MARK4: variants seen among roughly 807,000 people sequenced by gnomAD.
MARK4 encodes microtubule affinity regulating kinase 4.
In MARK4, 19 loss-of-function variants were observed where a neutral mutation model predicts 81.5. That is an observed-to-expected ratio of 0.23 (90% CI 0.16 to 0.34). The LOEUF is 0.34. MARK4 is among the 10% of genes least tolerant of loss of function. The pLI is 1.00. For missense variants in MARK4, 772 were observed against 1,058.8 expected, an observed-to-expected ratio of 0.73 and a Z score of 3.76; for synonymous variants, 436 against 439.0, an observed-to-expected ratio of 0.99 and a Z score of 0.08.
At chr19:45,256,622 TGGA>T (rs1398295763) in intron 1 of MARK4, among the ~76,000 whole-genome samples, 1 of 152,082 alleles carries the variant, frequency 6.6e-6, no homozygotes, top group Non-Finnish European at 1.5e-5. Context: ...CCAGTGGTGG[TGGA>T]GGAGGAGCCT....
intron 8 of MARK4, among the ~76,000 whole-genome samples, chr19:45,274,047 A>C (rs930695100): frequency 6.6e-6 from 1 of 151,426 alleles, no homozygotes; most frequent in African/African-American, 2.4e-5. Context: ...CAGGAGAGCG[A>C]GACCATCCTG....
intron 14 of MARK4, among the ~76,000 whole-genome samples, chr19:45,294,953 T>C (rs1970867574): frequency 6.6e-6 from 1 of 152,008 alleles, no homozygotes; most frequent in African/African-American, 2.4e-5. Context: ...ACCAGGGCTG[T>C]AGGGCAGGTT....
At chr19:45,255,417 C>T (rs559877055) in intron 1 of MARK4, among the ~76,000 whole-genome samples, 12 of 151,810 alleles carry the variant, frequency 7.9e-5, no homozygotes, top group Admixed American at 4.6e-4. Flanking sequence ...AAAAATTAGA[C>T]GGTTGTGGTG....
chr19:45,293,660 A>G (rs1372821495), intron 13 of MARK4, among the ~76,000 whole-genome samples: 1 of 152,250 alleles, frequency 6.6e-6, no homozygotes. Context: ...ACTTCCAGAG[A>G]ATAGAAAAAG....
rs568500500 is a variant in MARK4, at chr19:45,278,040, G to C, written c.904G>C (p.Glu302Gln). Residue 302 changes from glutamate to glutamine, a missense_variant and splice_region_variant, in exon 9 of 17, where the codon GAG (glutamate) becomes CAG (glutamine). By Grantham distance (29) the Glu-to-Gln change is conservative. Around this residue, in one of 3 missense-constraint regions of MARK4, gnomAD observed 109 missense variants for 294.7 expected, o/e 0.37. Coordinates refer to ENST00000262891, the MANE Select transcript of MARK4 (RefSeq NM_001199867.2). ...GAACCCAGCTAAACGCTGTACTCTC[G>C]AGGTGAGCCCAGCCTCACAGCCAGC... ...VLNPAKRCTL[E>Q]QIMKDKWINI... 6.2e-7 allele frequency: 1 copy of C among 1,613,328 alleles called. No homozygotes were observed.
chr19:45,288,221 C>T (rs1459513368), intron 13 of MARK4: 2 of 152,396 alleles, frequency 1.3e-5, no homozygotes, highest in Non-Finnish European at 2.9e-5. Flanking sequence ...GAGCAAAACC[C>T]TGTCTCAATA....
At chr19:45,269,791 CA>C (rs745733945) in intron 7 of MARK4, among the ~76,000 whole-genome samples, 4 of 152,150 alleles carry the variant, frequency 2.6e-5, no homozygotes, top group Non-Finnish European at 5.9e-5. Context: ...ATGGCAATTG[CA>C]AGACCGCATG....
intron 12 of MARK4, among the ~76,000 whole-genome samples, chr19:45,282,037 A>G (rs1303504969): frequency 1.3e-5 from 2 of 152,000 alleles, no homozygotes. Context: ...CGGCCTGGCC[A>G]ACATGGTGAA....
chr19:45,251,422 C>G lies in MARK4; in HGVS notation c.-167C>G, dbSNP rs1363514627. 3 of 320,512 alleles carry G rather than the reference C, an allele frequency of 9.4e-6. No individual in the cohort carries two copies. Among genetic ancestry groups the G allele is most frequent in the Non-Finnish European group, 1.7e-5 (3 of 172,472 alleles). The allele number at this position is 320,512 out of a possible 1,614,324, so 19.9% of individuals were successfully genotyped here. On this transcript the variant is annotated 5_prime_UTR_variant, in exon 1 of 17. Coordinates refer to ENST00000262891, the MANE Select transcript of MARK4 (RefSeq NM_001199867.2). The stretch of plus-strand genomic sequence containing the variant: ...GCCACTAGGACCCTCGGCGTCCCTT[C>G]CCCTCCCCCGCCCTGCCCCCTCTCC...
intron 14 of MARK4, among the ~76,000 whole-genome samples, chr19:45,295,028 G>A (rs1970868368): frequency 6.6e-6 from 1 of 152,116 alleles, no homozygotes; most frequent in South Asian, 2.1e-4. Flanking sequence ...TTCCCACTGG[G>A]TGTGGGCAGA....
intron 1 of MARK4, among the ~76,000 whole-genome samples, chr19:45,253,603 A>G (rs1970271697): frequency 6.6e-6 from 1 of 152,188 alleles, no homozygotes; most frequent in East Asian, 1.9e-4. Flanking sequence ...TTCTCAGCTC[A>G]GGGCTGTTAT....
chr19:45,262,121 A>G (rs1970388373), intron 2 of MARK4, among the ~76,000 whole-genome samples: 1 of 152,130 alleles, frequency 6.6e-6, no homozygotes. Context: ...CTTTGGCCAA[A>G]TGACTAAACA....
intron 15 of MARK4, among the ~76,000 whole-genome samples, chr19:45,299,516 T>C (rs1246416892): frequency 6.6e-6 from 1 of 152,216 alleles, no homozygotes; most frequent in Non-Finnish European, 1.5e-5. Context: ...CACGTGCGTG[T>C]GTCTCTCTCT....
chr19:45,282,082 G>A (rs1184235804), intron 12 of MARK4, among the ~76,000 whole-genome samples: 2 of 151,816 alleles, frequency 1.3e-5, no homozygotes, highest in African/African-American at 2.4e-5. Flanking sequence ...AATTAGCTGG[G>A]CGTGTTGGTG....
At position 45,280,746 on chromosome 19, in the gene MARK4, C is replaced by A; in HGVS notation, c.1276+12C>A. 1 of 1,613,566 alleles carries A rather than the reference C, an allele frequency of 6.2e-7. No individual in the cohort carries two copies. Among genetic ancestry groups the A allele is most frequent in the Non-Finnish European group, 8.5e-7 (1 of 1,179,606 alleles). On this transcript the variant is annotated intron_variant, in intron 12 of 16. Coordinates refer to ENST00000262891, the MANE Select transcript of MARK4 (RefSeq NM_001199867.2). ...GCATAGCGATTTCTGTGAGTATCAA[C>A]CCCACGCCCTCACGCACCCTCCTTC... is the stretch of plus-strand genomic sequence containing the variant.
intron 13 of MARK4, among the ~76,000 whole-genome samples, chr19:45,291,564 C>T (rs950517119): frequency 7.2e-5 from 11 of 152,282 alleles, no homozygotes; most frequent in Admixed American, 3.9e-4. Context: ...GGGCGGATCA[C>T]GAGGTCAGGA....
rs1302287085 is a variant in MARK4, at chr19:45,280,745, A to T, written c.1276+11A>T. ...GGCATAGCGATTTCTGTGAGTATCA[A>T]CCCCACGCCCTCACGCACCCTCCTT... is the stretch of plus-strand genomic sequence containing the variant. On this transcript the variant is annotated intron_variant, in intron 12 of 16. Transcript: ENST00000262891. 3.7e-6 allele frequency: 6 copies of T among 1,613,482 alleles called. No homozygotes were observed. The highest frequency in any genetic ancestry group is 1.7e-6 in the Non-Finnish European group (2 of 1,179,680).
rs542689222 is a variant in MARK4, at chr19:45,299,562, T to A, written c.1878-249T>A. 4.7e-4 allele frequency among the ~76,000 whole-genome samples: 72 copies of A among 152,350 alleles called. 2 individuals carry two copies. In the South Asian group the frequency reaches 0.014, roughly 30 times the overall value. On this transcript the variant is annotated intron_variant, in intron 15 of 16. Coordinates refer to ENST00000262891, the MANE Select transcript of MARK4 (RefSeq NM_001199867.2). ...GGCCACTTATCTATGTAAGGGTGTGTCTCTGCCCACTCCCCTCCCTTTCAT... is the reference window on the plus strand; with the variant it reads ...GGCCACTTATCTATGTAAGGGTGTGACTCTGCCCACTCCCCTCCCTTTCAT...
intron 13 of MARK4, among the ~76,000 whole-genome samples, chr19:45,289,286 C>T (rs1239175146): frequency 2.7e-5 from 4 of 147,690 alleles, no homozygotes; most frequent in Non-Finnish European, 5.9e-5. Flanking sequence ...ACTCAGGAGG[C>T]TGAGGCAGGA....
Sources: gnomAD v4.1 joint callset for allele counts (sites outside exome capture counted in the v4.1 genomes callset) on GRCh38, gnomAD v4.1.1 for gene constraint, gnomAD v4.1.1 regional missense constraint, MANE v1.5 for transcripts, NCBI Gene and HGNC (gene_info 2026-07-23, HGNC 2026-07-21) for gene names.